Variants in ANKLE2 observed in about 807,000 individuals in gnomAD.
ANKLE2 encodes ankyrin repeat and LEM domain containing 2, also known as ankyrin repeat and LEM domain-containing protein 2.
A neutral mutation model predicts 84.2 loss-of-function variants in ANKLE2; 55 were observed. That is an observed-to-expected ratio of 0.65 (90% confidence interval 0.53 to 0.82). ANKLE2 has a LOEUF of 0.82. ANKLE2 is among the 40% of genes least tolerant of loss of function. The probability of loss-of-function intolerance (pLI) is 0.00; values close to 1 mark genes in which losing one functional copy is unlikely to be tolerated. For synonymous variants in ANKLE2, 551 were observed against 486.1 expected, an observed-to-expected ratio of 1.13 and a Z score of -1.76; for missense variants, 1,238 against 1,201.9, an observed-to-expected ratio of 1.03 and a Z score of -0.44.
At chr12:132,744,346 C>T (rs2044190361) in intron 5 of ANKLE2, among the ~76,000 whole-genome samples, 1 of 152,162 alleles carries the variant, frequency 6.6e-6, no homozygotes, top group African/African-American at 2.4e-5. Flanking sequence ...TCTCTCGTCA[C>T]CTCTGATTAC....
At chr12:132,733,019 A>C (rs2043917951) in intron 10 of ANKLE2, among the ~76,000 whole-genome samples, 1 of 132,810 alleles carries the variant, frequency 7.5e-6, no homozygotes, top group East Asian at 2.4e-4. Flanking sequence ...GCACTGTGTG[A>C]AGCGCTCTGC....
At chr12:132,740,849 C>CGTCCCGGAGGCGAGTGGGGAGGGAGT (rs2044106540) in intron 7 of ANKLE2, among the ~76,000 whole-genome samples, 4 of 151,952 alleles carry the variant, frequency 2.6e-5, no homozygotes, top group Non-Finnish European at 4.4e-5. Flanking sequence ...GGGGAGGGAA[C>CGTCCCGGAGGCGAGTGGGGAGGGAGT]GTCCCGGAGG....
At chr12:132,730,921 C>G (rs1365666126) in intron 10 of ANKLE2, 1 of 152,308 alleles carries the variant, frequency 6.6e-6, no homozygotes, top group Admixed American at 6.5e-5. Flanking sequence ...GCCCTGCACC[C>G]CCAGCCACCC....
At chr12:132,747,810 T>C in intron 5 of ANKLE2, 22 bp downstream of exon 5, 8 of 1,573,096 alleles carry the variant, frequency 5.1e-6, no homozygotes, top group Non-Finnish European at 6.8e-6. Context: ...AAAGAAAGCG[T>C]GAGTGGAGGG....
rs777026587 is a variant in ANKLE2 at position 132,726,098 on chromosome 12, A to C, written c.*1144T>G. On this transcript the variant is annotated 3_prime_UTR_variant, in exon 13 of 13. Transcript: ENST00000357997. ...ATGATTTATAAAAGGCACTGAAGTT[A>C]GCAAAAGCATTGGTGGGTTTTCATT... 1.3e-5 allele frequency: 2 copies of C among 152,402 alleles called. No homozygotes were observed. Among genetic ancestry groups the C allele is most frequent in the Non-Finnish European group, 2.9e-5 (2 of 68,174 alleles). 9.4% of individuals were successfully genotyped at this position (152,402 alleles called of 1,614,324 possible). A position where few individuals can be genotyped will look rare whatever the true frequency, so the allele number is the denominator to read the frequency against.
At position 132,729,766 on chromosome 12, in the gene ANKLE2, G is replaced by A; in HGVS notation, c.2396C>T (p.Ala799Val). The stretch of plus-strand genomic sequence containing the variant: ...GCTGCTGGGACTCAAGGACATTTTA[G>A]CGATCCTGGCTGACATTTCACTTTC... ...RTESEMSARI[A>V]KMSLSPSSPR... Residue 799 changes from alanine (A) to valine (V), a missense_variant, in exon 11 of 13, where the codon GCT becomes GTT. Ala to Val is a moderately conservative substitution (Grantham distance 64). Transcript: ENST00000357997. 6.2e-7 allele frequency: 1 copy of A among 1,612,124 alleles called. No homozygotes were observed. The highest frequency in any genetic ancestry group is 8.5e-7 in the Non-Finnish European group (1 of 1,179,628).
chr12:132,731,650 T>C (rs1242723114), intron 10 of ANKLE2: 1 of 152,210 alleles, frequency 6.6e-6, no homozygotes, highest in Non-Finnish European at 1.5e-5. Flanking sequence ...AGTCTCACTA[T>C]GTTGCTCAAG....
intron 1 of ANKLE2, 121 bp from the exon 2 acceptor site, chr12:132,755,254 T>A: frequency 9.7e-7 from 1 of 1,034,548 alleles, no homozygotes; most frequent in Non-Finnish European, 1.4e-6. Flanking sequence ...TTAAAAACTT[T>A]TTTTCTTGGC....
At chr12:132,734,820 A>G in intron 9 of ANKLE2, 1 of 491,264 alleles carries the variant, frequency 2.0e-6, no homozygotes, top group Non-Finnish European at 3.6e-6. Flanking sequence ...GGCAGGAAGG[A>G]GGCCTCAGCC....
chr12:132,759,534 G>A (rs1593189411), intron 1 of ANKLE2: 1 of 151,924 alleles, frequency 6.6e-6, no homozygotes, highest in East Asian at 1.9e-4. Context: ...TACTATATGT[G>A]CTATATGATA....
rs114396565 is a variant in ANKLE2 at position 132,747,814 on chromosome 12, T to G, written c.1230+18A>C. The G allele has an allele frequency of 1.3e-6, 2 of 1,576,434 alleles. No homozygotes were observed. Among genetic ancestry groups the G allele is most frequent in the Non-Finnish European group, 8.5e-7 (1 of 1,170,722 alleles). Reference sequence around the variant, plus strand: ...ACCAATTAAATAAAGAAAGCGTGAGTGGAGGGTGTGCACGCACCATCTTGT... The same window carrying G: ...ACCAATTAAATAAAGAAAGCGTGAGGGGAGGGTGTGCACGCACCATCTTGT... On this transcript the variant is annotated intron_variant, in intron 5 of 12. Coordinates refer to ENST00000357997, the MANE Select transcript of ANKLE2 (RefSeq NM_015114.3).
In ANKLE2 at chr12:132,729,855, T is replaced by G; in HGVS notation, c.2307A>C (p.Ala769=). 6.2e-7 allele frequency: 1 copy of G among 1,613,678 alleles called. No individual in the cohort carries two copies. Among genetic ancestry groups the G allele is most frequent in the South Asian group, 1.1e-5 (1 of 91,074 alleles). Residue 769 remains alanine, a synonymous_variant, in exon 11 of 13, where the codon GCA becomes GCC. Coordinates refer to ENST00000357997, the MANE Select transcript of ANKLE2 (RefSeq NM_015114.3). The stretch of plus-strand genomic sequence containing the variant: ...AAGGCTCTAACAAGTCTCTTTCTAC[T>G]GCATTGATTCTTGAAGTCAGGATCT... The part of the protein sequence containing the change: ...KDQILTSRIN[A]VERDLLEPSP...
chr12:132,740,918 C>T (rs556895434), intron 7 of ANKLE2, among the ~76,000 whole-genome samples: 2 of 134,058 alleles, frequency 1.5e-5, no homozygotes, highest in South Asian at 2.5e-4. Context: ...ACCAGGAGTA[C>T]AGGAGGAGGA....
chr12:132,728,268 C>G (rs540646178), intron 11 of ANKLE2, 105 bp from the exon 12 acceptor site: 110 of 1,427,854 alleles, frequency 7.7e-5, no homozygotes, highest in Non-Finnish European at 9.3e-5. Flanking sequence ...CTTGCTCTGT[C>G]GCCCAGGCTG....
Position 132,726,919 on chromosome 12 carries a change from G to A in ANKLE2, c.*323C>T. 5.9e-6 allele frequency: 2 copies of A among 339,524 alleles called. No homozygotes were observed. The highest frequency in any genetic ancestry group is 1.1e-5 in the Non-Finnish European group (2 of 184,536). 21.0% of individuals were successfully genotyped at this position (339,524 alleles called of 1,614,324 possible). On this transcript the variant is annotated 3_prime_UTR_variant, in exon 13 of 13. Coordinates refer to ENST00000357997, the MANE Select transcript of ANKLE2 (RefSeq NM_015114.3). ...GAGGTGAGTACAGGGTAAGTACAGGGCTGCCTGCCTGCAACTGCCTCAGCG... is the reference window on the plus strand; with the variant it reads ...GAGGTGAGTACAGGGTAAGTACAGGACTGCCTGCCTGCAACTGCCTCAGCG...
At chr12:132,752,728 A>T (rs576299077) in intron 2 of ANKLE2, among the ~76,000 whole-genome samples, 1 of 152,210 alleles carries the variant, frequency 6.6e-6, no homozygotes, top group Non-Finnish European at 1.5e-5. Flanking sequence ...ATAGTGTTTA[A>T]CCAATTATGT....
At position 132,761,779 on chromosome 12, in the gene ANKLE2, G is replaced by A. The variant is rs2044632467; in HGVS notation, c.20C>T (p.Ala7Val). The A allele has an allele frequency of 3.5e-6, 4 of 1,148,194 alleles. No individual in the cohort carries two copies. The highest frequency in any genetic ancestry group is 3.3e-5 in the African/African-American group (2 of 60,840). 71.1% of individuals were successfully genotyped at this position (1,148,194 alleles called of 1,614,324 possible). A position where few individuals can be genotyped will look rare whatever the true frequency, so the allele number is the denominator to read the frequency against. Reference sequence around the variant, plus strand: ...GGCCAGCGCCGCCCACTCGGCCGCCGCCAGCCGCGGCCACAGCATCGCCGC... The same window carrying A: ...GGCCAGCGCCGCCCACTCGGCCGCCACCAGCCGCGGCCACAGCATCGCCGC... MLWPRL[A>V]AAEWAALAWE... The change falls in exon 1 of 13, where the codon GCG becomes GTG. Residue 7 changes from alanine to valine, a missense_variant. By Grantham distance (64) the Ala-to-Val change is moderately conservative (BLOSUM62 0). Around this residue, in one of 3 missense-constraint regions of ANKLE2, gnomAD observed 422 missense variants for 394.5 expected, o/e 1.07. Transcript: ENST00000357997.
chr12:132,738,399 C>A, intron 7 of ANKLE2: 1 of 152,362 alleles, frequency 6.6e-6, no homozygotes. Flanking sequence ...GGAGGCCACA[C>A]ACCACCTCGT....
intron 1 of ANKLE2, 96 bp downstream of exon 1, chr12:132,761,522 G>A (rs2044625056): frequency 9.5e-7 from 1 of 1,052,760 alleles, no homozygotes; most frequent in Non-Finnish European, 1.2e-6. Flanking sequence ...AACTGCTGCC[G>A]GCTCCAGGGG....
Sources: allele counts gnomAD v4.1 joint callset (sites outside exome capture counted in the v4.1 genomes callset), GRCh38; gene constraint gnomAD v4.1.1; regional missense constraint gnomAD v4.1.1; transcripts MANE v1.5; gene names NCBI Gene and HGNC (gene_info 2026-07-23, HGNC 2026-07-21).